Variants in PAWR observed in about 807,000 individuals in gnomAD.
PAWR encodes the protein PRKC apoptosis WT1 regulator protein.
A neutral mutation model predicts 32.0 loss-of-function variants in PAWR; 23 were observed. That is an observed-to-expected ratio of 0.72 (90% CI 0.52 to 1.02). The LOEUF is 1.02. Ranked by LOEUF, PAWR falls within the 50% of genes least tolerant of loss-of-function variation. PAWR has a pLI of 0.00. For missense variants in PAWR, 457 were observed against 437.7 expected, an observed-to-expected ratio of 1.04 and a Z score of -0.39; for synonymous variants, 226 against 187.1, an observed-to-expected ratio of 1.21 and a Z score of -1.70.
At chr12:79,689,523 C>T (rs1443812314) in intron 2 of PAWR, among the ~76,000 whole-genome samples, 3 of 152,300 alleles carry the variant, frequency 2.0e-5, no homozygotes, top group East Asian at 1.9e-4. Context: ...CTGAAAAGCA[C>T]GTGTCCTACT....
At chr12:79,629,367 T>C (rs769870161) in intron 2 of PAWR, among the ~76,000 whole-genome samples, 1 of 151,926 alleles carries the variant, frequency 6.6e-6, no homozygotes, top group Non-Finnish European at 1.5e-5. Flanking sequence ...GATTACACAA[T>C]AAAGAATATT....
intron 3 of PAWR, among the ~76,000 whole-genome samples, chr12:79,618,412 A>G (rs1005506046): frequency 1.3e-5 from 2 of 152,210 alleles, no homozygotes; most frequent in Non-Finnish European, 2.9e-5. Context: ...TACAGGCATG[A>G]GCCACTGCAC....
intron 4 of PAWR, among the ~76,000 whole-genome samples, chr12:79,611,315 G>A (rs1272250505): frequency 6.9e-6 from 1 of 144,474 alleles, no homozygotes; most frequent in Non-Finnish European, 1.5e-5. Context: ...AAGTTATTTG[G>A]TTTACTGAAA....
intron 4 of PAWR, chr12:79,604,609 T>A: frequency 7.8e-7 from 1 of 1,281,938 alleles, no homozygotes; most frequent in African/African-American, 1.5e-5. Flanking sequence ...AACCAACAAC[T>A]ACTTAACTGG....
At position 79,621,223 on chromosome 12, in the gene PAWR, A is replaced by G. The variant is rs746724394; in HGVS notation, c.517-16T>C. On this transcript the variant is annotated splice_polypyrimidine_tract_variant and intron_variant, in intron 2 of 6. Coordinates refer to ENST00000328827, the MANE Select transcript of PAWR (RefSeq NM_002583.4). ...CATCTAAGCACTGAAAGAAAAAAAG[A>G]GTTTCCATTTTATTTCTACTATTAA... 10 of 1,581,208 alleles carry G rather than the reference A, an allele frequency of 6.3e-6. No homozygotes were observed. Among genetic ancestry groups the G allele is most frequent in the Non-Finnish European group, 4.3e-6 (5 of 1,167,504 alleles).
intron 3 of PAWR, among the ~76,000 whole-genome samples, chr12:79,620,873 G>A (rs1451863724): frequency 6.6e-6 from 1 of 152,122 alleles, no homozygotes. Flanking sequence ...ATCAAAGGAT[G>A]CACAAGCCGG....
intron 2 of PAWR, among the ~76,000 whole-genome samples, chr12:79,658,586 T>C (rs747419094): frequency 5.3e-5 from 8 of 152,108 alleles, no homozygotes; most frequent in Non-Finnish European, 1.2e-4. Flanking sequence ...CCAAAACAAA[T>C]GCAGATTTAT....
At chr12:79,636,002 C>CA (rs777955537) in intron 2 of PAWR, among the ~76,000 whole-genome samples, 15 of 151,698 alleles carry the variant, frequency 9.9e-5, no homozygotes, top group East Asian at 3.9e-4. Context: ...GTCATAAATA[C>CA]AAAAAAAATC....
intron 2 of PAWR, among the ~76,000 whole-genome samples, chr12:79,661,653 A>G (rs1360970650): frequency 2.6e-5 from 4 of 152,224 alleles, no homozygotes; most frequent in Non-Finnish European, 4.4e-5. Context: ...GGAAATCTTC[A>G]AAGTTTGATT....
intron 2 of PAWR, among the ~76,000 whole-genome samples, chr12:79,661,059 G>A (rs1320851541): frequency 1.3e-5 from 2 of 151,692 alleles, no homozygotes; most frequent in Non-Finnish European, 2.9e-5. Flanking sequence ...CTTGAGGTCA[G>A]GAGTTCGAGA....
intron 2 of PAWR, among the ~76,000 whole-genome samples, chr12:79,676,343 T>G (rs1878164620): frequency 6.6e-6 from 1 of 152,152 alleles, no homozygotes; most frequent in African/African-American, 2.4e-5. Context: ...GTATAAGCAA[T>G]TTCTGATTTA....
In PAWR at chr12:79,621,073, C is replaced by T; in HGVS notation, c.648+3G>A. 1 of 1,586,362 alleles carries T rather than the reference C, an allele frequency of 6.3e-7. No individual in the cohort carries two copies. The highest frequency in any genetic ancestry group is 8.5e-7 in the Non-Finnish European group (1 of 1,170,046). ...TGACTTCCTGGTATTTTTAAATACT[C>T]ACCTGTAGCAGATAGGAACTGCCTG... On this transcript the variant is annotated splice_donor_region_variant and intron_variant, in intron 3 of 6. Transcript: ENST00000328827.
At position 79,591,823 on chromosome 12, in the gene PAWR, A is replaced by G. The variant is rs1028341431; in HGVS notation, c.*784T>C. ...TGACTTTGTACACTTTCCAGGCCCG[A>G]AGAATAAAAAACTTTTAAAATATCC... On this transcript the variant is annotated 3_prime_UTR_variant, in exon 7 of 7. Coordinates refer to ENST00000328827, the MANE Select transcript of PAWR (RefSeq NM_002583.4). The G allele has an allele frequency of 1.3e-5, 2 of 152,458 alleles. No homozygotes were observed. Among genetic ancestry groups the G allele is most frequent in the Non-Finnish European group, 2.9e-5 (2 of 67,974 alleles). The allele number at this position is 152,458 out of a possible 1,614,324, so 9.4% of individuals were successfully genotyped here.
At chr12:79,675,451 A>C (rs959014254) in intron 2 of PAWR, among the ~76,000 whole-genome samples, 1 of 152,196 alleles carries the variant, frequency 6.6e-6, no homozygotes, top group East Asian at 1.9e-4. Flanking sequence ...TCATCGCAGC[A>C]CTATTCACAA....
intron 2 of PAWR, among the ~76,000 whole-genome samples, chr12:79,640,908 T>C (rs965877591): frequency 6.6e-6 from 1 of 152,194 alleles, no homozygotes; most frequent in African/African-American, 2.4e-5. Context: ...GCTTGTGAGT[T>C]ATGTGTCTGT....
At chr12:79,624,969 G>T (rs1360177088) in intron 2 of PAWR, among the ~76,000 whole-genome samples, 1 of 152,088 alleles carries the variant, frequency 6.6e-6, no homozygotes, top group African/African-American at 2.4e-5. Context: ...CAAGGTAAAT[G>T]AATATGTCAA....
chr12:79,626,500 C>T (rs1407523443), intron 2 of PAWR, among the ~76,000 whole-genome samples: 1 of 151,530 alleles, frequency 6.6e-6, no homozygotes, highest in African/African-American at 2.4e-5. Flanking sequence ...ACCTCGTGAT[C>T]CACCCCCCAC....
At position 79,592,604 on chromosome 12, in the gene PAWR, C is replaced by G. The variant is rs1233257333; in HGVS notation, c.*3G>C. On this transcript the variant is annotated 3_prime_UTR_variant, in exon 7 of 7. Coordinates refer to ENST00000328827, the MANE Select transcript of PAWR (RefSeq NM_002583.4). ...ATTTTTTCCACATTGAGTCTTGAAT[C>G]CTCTACCTGGTCAGCTGACCCACAA... 1 of 757,250 alleles carries G rather than the reference C, an allele frequency of 1.3e-6. No homozygotes were observed. The highest frequency in any genetic ancestry group is 1.7e-5 in the African/African-American group (1 of 57,380). 46.9% of individuals were successfully genotyped at this position (757,250 alleles called of 1,614,324 possible).
At chr12:79,664,483 A>G (rs1043143217) in intron 2 of PAWR, among the ~76,000 whole-genome samples, 1 of 152,166 alleles carries the variant, frequency 6.6e-6, no homozygotes, top group African/African-American at 2.4e-5. Context: ...TACTAAACCT[A>G]TATTTACTGT....
Sources: gnomAD v4.1 joint callset for allele counts (sites outside exome capture counted in the v4.1 genomes callset) on GRCh38, gnomAD v4.1.1 for gene constraint, MANE v1.5 for transcripts, NCBI Gene and HGNC (gene_info 2026-07-23, HGNC 2026-07-21) for gene names.